Variants in KIF6 observed in about 807,000 individuals in gnomAD.
KIF6 encodes kinesin-like protein KIF6.
In KIF6, 106 loss-of-function variants were observed where a neutral mutation model predicts 112.7. The observed-to-expected ratio is 0.94, with a 90% CI of 0.80 to 1.11. The LOEUF (loss-of-function observed/expected upper bound fraction) is 1.11. Ranked by LOEUF, KIF6 falls within the 50% of genes least tolerant of loss-of-function variation. The pLI, the probability that KIF6 is intolerant of heterozygous loss-of-function variation, is 0.00. For synonymous variants in KIF6, 339 were observed against 339.9 expected, an observed-to-expected ratio of 1.00 and a Z score of 0.03; for missense variants, 929 against 964.0, an observed-to-expected ratio of 0.96 and a Z score of 0.48.
At chr6:39,346,085 TCCCC>T (rs367850137) in intron 20 of KIF6, among the ~76,000 whole-genome samples, 1 of 21,598 alleles carries the variant, frequency 4.6e-5, no homozygotes, top group African/African-American at 2.2e-4. Context: ...TCTCTCTCTC[TCCCC>T]CCCCTCTCCC....
intron 15 of KIF6, among the ~76,000 whole-genome samples, chr6:39,399,802 G>C (rs1768550072): frequency 6.6e-6 from 1 of 152,240 alleles, no homozygotes; most frequent in Non-Finnish European, 1.5e-5. Context: ...TCTCCAAGAA[G>C]CATTTCTTTT....
intron 13 of KIF6, among the ~76,000 whole-genome samples, chr6:39,499,709 C>G (rs1167739583): frequency 6.6e-6 from 1 of 152,144 alleles, no homozygotes; most frequent in Non-Finnish European, 1.5e-5. Context: ...CTTGAGCTAT[C>G]AGTAAGAAAG....
intron 13 of KIF6, among the ~76,000 whole-genome samples, chr6:39,535,475 C>T (rs998614677): frequency 3.3e-5 from 5 of 152,140 alleles, no homozygotes; most frequent in African/African-American, 1.2e-4. Context: ...AAGGCCATTA[C>T]ATAATGGTAA....
At position 39,635,232 on chromosome 6, in the gene KIF6, A is replaced by G. The variant is rs569528719; in HGVS notation, c.400-274T>C. Among the ~76,000 whole-genome samples the G allele has an allele frequency of 1.4e-4, 21 of 152,124 alleles. No individual in the cohort carries two copies. The East Asian group carries it at 3.9e-3, about 28-fold the overall frequency. ...CATAAAAAGTCAATATACACTTACA[A>G]TGAGCCAACTTGGTTGCAGAACTGT... On this transcript the variant is annotated intron_variant, in intron 4 of 22. Coordinates refer to ENST00000287152, the MANE Select transcript of KIF6 (RefSeq NM_145027.6).
chr6:39,441,584 A>G (rs1390594246), intron 13 of KIF6, among the ~76,000 whole-genome samples: 6 of 152,136 alleles, frequency 3.9e-5, no homozygotes. Context: ...TAGCCCAGCT[A>G]CAATTTGAGG....
At chr6:39,383,944 A>T (rs1040034170) in intron 16 of KIF6, among the ~76,000 whole-genome samples, 9 of 152,144 alleles carry the variant, frequency 5.9e-5, no homozygotes, top group Admixed American at 5.2e-4. Context: ...CTTGATTGTC[A>T]GCATGAAAGT....
In KIF6 at chr6:39,331,069, C is replaced by T. The variant is rs1002565173; in HGVS notation, c.*5463G>A. On this transcript the variant is annotated 3_prime_UTR_variant, in exon 23 of 23. Transcript: ENST00000287152. Reference sequence around the variant, plus strand: ...CAATACCCAACCTGCCATCATTGTCCTAAGCTTCCCTTCCCTGCTTCTCTC... The same window carrying T: ...CAATACCCAACCTGCCATCATTGTCTTAAGCTTCCCTTCCCTGCTTCTCTC... The T allele has an allele frequency of 1.3e-5, 2 of 152,784 alleles. No homozygotes were observed. Among genetic ancestry groups the T allele is most frequent in the East Asian group, 1.9e-4 (1 of 5,174 alleles). 9.5% of individuals were successfully genotyped at this position (152,784 alleles called of 1,614,324 possible).
intron 3 of KIF6, among the ~76,000 whole-genome samples, chr6:39,677,507 T>TTTTATGTA (rs1787221725): frequency 1.4e-5 from 2 of 146,084 alleles, no homozygotes; most frequent in Admixed American, 1.4e-4. Flanking sequence ...CTTCAGACAA[T>TTTTATGTA]TTTATTTATT....
chr6:39,623,095 C>T (rs1220092844), intron 5 of KIF6, among the ~76,000 whole-genome samples: 4 of 152,148 alleles, frequency 2.6e-5, no homozygotes, highest in Non-Finnish European at 5.9e-5. Context: ...TTCCCTCTAC[C>T]TACATTAAAT....
At chr6:39,493,094 G>A (rs1310705417) in intron 13 of KIF6, among the ~76,000 whole-genome samples, 1 of 152,138 alleles carries the variant, frequency 6.6e-6, no homozygotes, top group Non-Finnish European at 1.5e-5. Flanking sequence ...TAGTGAAAAA[G>A]CCTTACACCT....
intron 3 of KIF6, among the ~76,000 whole-genome samples, chr6:39,654,295 T>C (rs1363652185): frequency 1.3e-5 from 2 of 152,132 alleles, no homozygotes; most frequent in Non-Finnish European, 2.9e-5. Context: ...ACTCTCAGCC[T>C]CCACCCCCAC....
Position 39,539,998 on chromosome 6 carries a change from C to G in KIF6, c.1645+5G>C. On this transcript the variant is annotated splice_donor_5th_base_variant and intron_variant, in intron 13 of 22. Transcript: ENST00000287152. Reference sequence around the variant, plus strand: ...TGAGAAATACTGGAAATTTAGTCAACTGACCTATTTTCTTGTGGAGCAAAC... The same window carrying G: ...TGAGAAATACTGGAAATTTAGTCAAGTGACCTATTTTCTTGTGGAGCAAAC... 6.3e-7 allele frequency: 1 copy of G among 1,587,970 alleles called. No homozygotes were observed. The highest frequency in any genetic ancestry group is 2.2e-5 in the East Asian group (1 of 44,602).
At chr6:39,560,358 C>T (rs1481655747) in intron 10 of KIF6, among the ~76,000 whole-genome samples, 1 of 152,118 alleles carries the variant, frequency 6.6e-6, no homozygotes, top group Non-Finnish European at 1.5e-5. Flanking sequence ...TGTTTAGAAC[C>T]CTTAGGGGGC....
chr6:39,644,700 C>T (rs762857771), intron 3 of KIF6, among the ~76,000 whole-genome samples: 69 of 152,164 alleles, frequency 4.5e-4, no homozygotes, highest in Admixed American at 1.6e-3. Context: ...TGGTACAGAG[C>T]TTCTTTTTGG....
At chr6:39,337,155 T>TCTTTCTTTCTTTCTTTC (rs1281495138) in intron 22 of KIF6, among the ~76,000 whole-genome samples, 3 of 53,674 alleles carry the variant, frequency 5.6e-5, no homozygotes, top group African/African-American at 4.4e-4. Context: ...TTTCTCTTTC[T>TCTTTCTTTCTTTCTTTC]TTTCTTTCTT....
At chr6:39,442,095 A>G (rs1771950943) in intron 13 of KIF6, among the ~76,000 whole-genome samples, 2 of 152,206 alleles carry the variant, frequency 1.3e-5, no homozygotes, top group Admixed American at 1.3e-4. Context: ...TCCCACGGGC[A>G]ACCCACACTG....
At chr6:39,542,197 A>G (rs1415842019) in intron 12 of KIF6, among the ~76,000 whole-genome samples, 1 of 152,096 alleles carries the variant, frequency 6.6e-6, no homozygotes, top group African/African-American at 2.4e-5. Context: ...ATGCGTTCTG[A>G]TGTACATTTC....
At chr6:39,515,293 T>A (rs1324988235) in intron 13 of KIF6, among the ~76,000 whole-genome samples, 2 of 152,146 alleles carry the variant, frequency 1.3e-5, no homozygotes, top group Non-Finnish European at 2.9e-5. Context: ...GAGAACTAGA[T>A]AACAAAGATC....
chr6:39,629,400 T>C (rs1055508786), intron 5 of KIF6, among the ~76,000 whole-genome samples: 1 of 152,142 alleles, frequency 6.6e-6, no homozygotes, highest in African/African-American at 2.4e-5. Context: ...TGTTTTAATT[T>C]GCAATTCCCT....
Sources: allele counts gnomAD v4.1 joint callset (sites outside exome capture counted in the v4.1 genomes callset), GRCh38; gene constraint gnomAD v4.1.1; transcripts MANE v1.5; gene names NCBI Gene and HGNC (gene_info 2026-07-23, HGNC 2026-07-21).